Variants in KRT26 observed in about 807,000 individuals in gnomAD.
The protein encoded by KRT26 is keratin, type I cytoskeletal 26.
KRT26 carries 45 observed loss-of-function variants against 46.1 expected under a neutral mutation model. That is an observed-to-expected ratio of 0.98 (90% confidence interval 0.77 to 1.25). KRT26 has a LOEUF of 1.25. KRT26 is among the 50% of genes most tolerant of loss of function. The pLI is 0.00. For synonymous variants in KRT26, 191 were observed against 209.9 expected (o/e 0.91, Z 0.78); for missense variants, 582 against 560.1 (o/e 1.04, Z -0.39).
Position 40,772,097 on chromosome 17 carries a change from GA to G in KRT26, c.16del (p.Ser6LeufsTer80). The G allele has an allele frequency of 6.2e-7, 1 of 1,613,904 alleles. No individual in the cohort carries two copies. The highest frequency in any genetic ancestry group is 2.2e-5 in the East Asian group (1 of 44,878). Reference sequence around the variant, plus strand: ...CGAGCAGATCCTCCTGGATCCACCAGAAAGTCGAAAAGACATGGTGGCAGCA... The same window carrying G: ...CGAGCAGATCCTCCTGGATCCACCAGAAGTCGAAAAGACATGGTGGCAGCA... On this transcript the variant is annotated frameshift_variant, in exon 1 of 8. Coordinates refer to ENST00000335552, the Ensembl canonical transcript of KRT26. LOFTEE classifies it high-confidence loss of function.
At position 40,766,670 on chromosome 17, in the gene KRT26, A is replaced by G; in HGVS notation, c.1256-4T>C. The G allele has an allele frequency of 6.3e-7, 1 of 1,594,298 alleles. No individual in the cohort carries two copies. Among genetic ancestry groups the G allele is most frequent in the Non-Finnish European group, 8.6e-7 (1 of 1,166,016 alleles). Reference sequence around the variant, plus strand: ...ACAATAGTTTCTTCTGTTGAGTCTAAAATAAAATAAATAAAACATTAGTGG... The same window carrying G: ...ACAATAGTTTCTTCTGTTGAGTCTAGAATAAAATAAATAAAACATTAGTGG... On this transcript the variant is annotated splice_polypyrimidine_tract_variant and splice_region_variant and intron_variant, in intron 7 of 7. Coordinates refer to ENST00000335552, the Ensembl canonical transcript of KRT26.
At chr17:40,770,177 C>G (rs2038210257) in intron 3 of KRT26, 55 bp from the exon 4 acceptor site, 5 of 1,610,310 alleles carry the variant, frequency 3.1e-6, no homozygotes, top group Admixed American at 3.3e-5. Context: ...GATGTTCATG[C>G]CCTGCTACGA....
At chr17:40,766,451 C>CCTTT (rs1011489228) in exon 8 of KRT26, 31 of 1,324,636 alleles carry the variant, frequency 2.3e-5, no homozygotes, top group Middle Eastern at 2.6e-4. Flanking sequence ...GCAAAGGCAG[C>CCTTT]CTTTCTTTCT....
At chr17:40,770,503 T>C in intron 2 of KRT26, 94 bp from the exon 3 acceptor site, 3 of 988,982 alleles carry the variant, frequency 3.0e-6, no homozygotes, top group Non-Finnish European at 4.5e-6. Flanking sequence ...GATATGATGT[T>C]CTGTACATAC....
chr17:40,769,831 C>T (rs2144146134), exon 5 of KRT26: 1 of 1,614,188 alleles, frequency 6.2e-7, no homozygotes, highest in Non-Finnish European at 8.5e-7. Context: ...TTTCTGGCTG[C>T]TGTGGCTGCT....
chr17:40,770,492 A>G, intron 2 of KRT26, 83 bp from the exon 3 acceptor site: 4 of 1,120,988 alleles, frequency 3.6e-6, no homozygotes, highest in Non-Finnish European at 5.1e-6. Context: ...ATATGCTGAA[A>G]GATATGATGT....
intron 7 of KRT26, among the ~76,000 whole-genome samples, chr17:40,767,022 G>A (rs2038177973): frequency 6.6e-6 from 1 of 152,208 alleles, no homozygotes; most frequent in Admixed American, 6.5e-5. Context: ...TTACAAGCAT[G>A]AGCCACTGCA....
At chr17:40,771,968 C>A in exon 1 of KRT26, 1 of 1,614,178 alleles carries the variant, frequency 6.2e-7, no homozygotes, top group South Asian at 1.1e-5. Flanking sequence ...AGAAGAGATG[C>A]CCTCAAGAGT....
chr17:40,771,382 A>T, intron 1 of KRT26, 146 bp from the exon 2 acceptor site: 1 of 600,584 alleles, frequency 1.7e-6, no homozygotes. Flanking sequence ...TTTTCTTCAG[A>T]TAATAAGCAT....
exon 8 of KRT26, chr17:40,766,535 C>G (rs553634773): frequency 1.9e-6 from 3 of 1,610,166 alleles, no homozygotes; most frequent in Non-Finnish European, 2.5e-6. Context: ...TTAGAAGGTA[C>G]TCGTTGCTCT....
rs752996843 is a variant in KRT26 at position 40,769,924 on chromosome 17, TCCTGAGCAAG to T, written c.843+27_843+36del. The T allele has an allele frequency of 3.1e-6, 5 of 1,614,076 alleles. No homozygotes were observed. The Admixed American group carries it at 8.3e-5, about 27-fold the overall frequency. On this transcript the variant is annotated intron_variant, in intron 4 of 7. Coordinates refer to ENST00000335552, the Ensembl canonical transcript of KRT26. ...AGGGTTAGTGACTGGCCTGATTGTC[TCCTGAGCAAG>T]CCCTTTGTAATTTGCCATAGACCTA...
At chr17:40,766,770 C>A (rs1292656802) in intron 7 of KRT26, 104 bp from the exon 8 acceptor site, 2 of 759,278 alleles carry the variant, frequency 2.6e-6, no homozygotes, top group Non-Finnish European at 4.2e-6. Context: ...GAAGGAGTCT[C>A]GCTCTGTCAC....
At chr17:40,772,091 C>A in exon 1 of KRT26, 1 of 1,613,994 alleles carries the variant, frequency 6.2e-7, no homozygotes, top group Non-Finnish European at 8.5e-7. Context: ...CCTCCTGGAT[C>A]CACCAGAAAG....
chr17:40,769,084 C>T, exon 6 of KRT26: 1 of 1,612,402 alleles, frequency 6.2e-7, no homozygotes, highest in Non-Finnish European at 8.5e-7. Flanking sequence ...AAGGAGCATT[C>T]ATAGGAATGT....
Position 40,771,244 on chromosome 17 carries a change from G to C in KRT26, c.442-8C>G. 1 of 1,537,298 alleles carries C rather than the reference G, an allele frequency of 6.5e-7. No individual in the cohort carries two copies. On this transcript the variant is annotated splice_polypyrimidine_tract_variant and splice_region_variant and intron_variant, in intron 1 of 7. Coordinates refer to ENST00000335552, the Ensembl canonical transcript of KRT26. ...GATGGTCGCAGAAATAATCTAAATA[G>C]GGAAGATTGTGAAAAATGTTAATTA...
chr17:40,772,107 A>G (rs1446544236), exon 1 of KRT26: 1 of 1,613,800 alleles, frequency 6.2e-7, no homozygotes. Flanking sequence ...GAAAGTCGAA[A>G]AGACATGGTG....
intron 2 of KRT26, among the ~76,000 whole-genome samples, 182 bp from the exon 3 acceptor site, chr17:40,770,591 G>A (rs1284485851): frequency 6.6e-6 from 1 of 152,224 alleles, no homozygotes; most frequent in Admixed American, 6.5e-5. Flanking sequence ...TTTTGGGGAT[G>A]TTATTTCTTC....
chr17:40,767,063 G>GT (rs1197116244), intron 7 of KRT26, among the ~76,000 whole-genome samples: 1 of 152,158 alleles, frequency 6.6e-6, no homozygotes, highest in African/African-American at 2.4e-5. Context: ...TTTTAAAAAT[G>GT]TTTTTTGCAA....
At chr17:40,771,678 T>A in exon 1 of KRT26, 1 of 1,606,126 alleles carries the variant, frequency 6.2e-7, no homozygotes, top group South Asian at 1.1e-5. Flanking sequence ...CTTACCTGCC[T>A]TTTAAGATCT....
Sources: gnomAD v4.1 joint callset for allele counts (sites outside exome capture counted in the v4.1 genomes callset) on GRCh38, gnomAD v4.1.1 for gene constraint, MANE v1.5 for transcripts, NCBI Gene and HGNC (gene_info 2026-07-23, HGNC 2026-07-21) for gene names.